PTPRK: variants seen among roughly 807,000 people sequenced by gnomAD.
The protein encoded by PTPRK is protein tyrosine phosphatase receptor type K.
A neutral mutation model predicts 178.0 loss-of-function variants in PTPRK; 75 were observed. The observed-to-expected ratio is 0.42, with a 90% CI of 0.35 to 0.51. PTPRK has a LOEUF of 0.51. Ranked by LOEUF, PTPRK falls within the 20% of genes least tolerant of loss-of-function variation. The pLI, the probability that PTPRK is intolerant of heterozygous loss-of-function variation, is 0.02. For missense variants in PTPRK, 1,441 were observed against 1,797.8 expected (o/e 0.80, Z 3.59); for synonymous variants, 637 against 620.6 (o/e 1.03, Z -0.39).
chr6:128,352,438 C>T (rs1244060279), intron 2 of PTPRK, among the ~76,000 whole-genome samples: 44 of 150,942 alleles, frequency 2.9e-4, no homozygotes, highest in Non-Finnish European at 1.5e-5. Context: ...CTGTACAGTC[C>T]AGATTTGATT....
At chr6:128,293,402 C>T (rs780679630) in intron 3 of PTPRK, among the ~76,000 whole-genome samples, 1 of 151,970 alleles carries the variant, frequency 6.6e-6, no homozygotes, top group Non-Finnish European at 1.5e-5. Flanking sequence ...AACAAAACCC[C>T]ACAAGCCAAC....
chr6:128,243,296 T>C (rs1191178440), intron 3 of PTPRK, among the ~76,000 whole-genome samples: 1 of 151,704 alleles, frequency 6.6e-6, no homozygotes, highest in African/African-American at 2.4e-5. Flanking sequence ...TAGATTTAAA[T>C]ATAAGCTCAT....
In PTPRK at chr6:128,224,062, T is replaced by C. The variant is rs556668749; in HGVS notation, c.694-4966A>G. Among the ~76,000 whole-genome samples, 5 of 152,330 alleles carry C rather than the reference T, an allele frequency of 3.3e-5. 1 individual carries two copies. In the South Asian group the frequency reaches 1.0e-3, roughly 32 times the overall value. The stretch of plus-strand genomic sequence containing the variant: ...TTAAATTCTAGAAGTCAAAAATAAC[T>C]TTTCCTTTTATAGGCTCTTTATTCT... On this transcript the variant is annotated intron_variant, in intron 5 of 29. Coordinates refer to ENST00000368226, the MANE Select transcript of PTPRK (RefSeq NM_002844.4).
intron 3 of PTPRK, among the ~76,000 whole-genome samples, chr6:128,256,773 G>T: frequency 6.6e-6 from 1 of 151,638 alleles, no homozygotes; most frequent in East Asian, 1.9e-4. Flanking sequence ...AGCGGACAAT[G>T]ATTCAAAAAA....
At position 127,973,723 on chromosome 6, in the gene PTPRK, C is replaced by T. The variant is rs1430181135; in HGVS notation, c.4074G>A (p.Gln1358=). The stretch of plus-strand genomic sequence containing the variant: ...CGCATTCCTCCTGCCACTTTTCCAC[C>T]TGAAGTATCAGTTTCAAGAATGACC... ...SKRSFLKLIL[Q]VEKWQEECEE... The change falls in exon 28 of 30, where the codon CAG becomes CAA. Residue 1358 remains glutamine (Q), a synonymous_variant. Transcript: ENST00000368226. The T allele has an allele frequency of 5.0e-6, 8 of 1,614,008 alleles. No homozygotes were observed. Among genetic ancestry groups the T allele is most frequent in the Non-Finnish European group, 6.8e-6 (8 of 1,179,928 alleles).
chr6:128,296,537 T>C lies in PTPRK; in HGVS notation c.495+25502A>G, dbSNP rs567470155. ...TAACAGCGGATCTCTTGGCAGAAAC[T>C]CTACAAGCCAGAAGAGAGTGGGGGC... On this transcript the variant is annotated intron_variant, in intron 3 of 29. Transcript: ENST00000368226. Among the ~76,000 whole-genome samples the C allele has an allele frequency of 1.9e-3, 286 of 152,238 alleles. 1 individual carries two copies. Among genetic ancestry groups the C allele is most frequent in the African/African-American group, 6.4e-3 (264 of 41,552 alleles).
intron 5 of PTPRK, among the ~76,000 whole-genome samples, chr6:128,239,691 AAT>A (rs1346487047): frequency 6.6e-6 from 1 of 152,178 alleles, no homozygotes; most frequent in Non-Finnish European, 1.5e-5. Context: ...AACTCTTGTA[AAT>A]TCAGTTTTAA....
chr6:128,426,223 A>T (rs1844121162), intron 1 of PTPRK, among the ~76,000 whole-genome samples: 1 of 152,102 alleles, frequency 6.6e-6, no homozygotes, highest in Non-Finnish European at 1.5e-5. Flanking sequence ...CCTTTCCCTT[A>T]TGTGCCTCCA....
At chr6:128,024,007 G>A (rs1400637573) in intron 13 of PTPRK, among the ~76,000 whole-genome samples, 2 of 151,834 alleles carry the variant, frequency 1.3e-5, no homozygotes, top group African/African-American at 2.4e-5. Context: ...ACATCTCTAG[G>A]GCAATCAGAT....
intron 2 of PTPRK, among the ~76,000 whole-genome samples, chr6:128,342,159 A>G (rs1449996075): frequency 6.6e-6 from 1 of 152,042 alleles, no homozygotes; most frequent in African/African-American, 2.4e-5. Context: ...AGGCTGGGGC[A>G]GAAGAATCGT....
chr6:128,319,926 C>T (rs1199952262), intron 3 of PTPRK, among the ~76,000 whole-genome samples: 1 of 152,140 alleles, frequency 6.6e-6, no homozygotes, highest in African/African-American at 2.4e-5. Context: ...AAAAAGTACT[C>T]TGTTGTTTGC....
At chr6:128,139,561 C>A (rs117876006) in intron 7 of PTPRK, among the ~76,000 whole-genome samples, 29 of 152,100 alleles carry the variant, frequency 1.9e-4, no homozygotes, top group Middle Eastern at 6.8e-3. Flanking sequence ...ATCAGAGTTC[C>A]TTTTAATTAC....
intron 7 of PTPRK, among the ~76,000 whole-genome samples, chr6:128,093,341 C>T (rs897994121): frequency 3.3e-5 from 5 of 151,840 alleles, no homozygotes; most frequent in Non-Finnish European, 5.9e-5. Flanking sequence ...CCCCCATAAT[C>T]CTAGCAGTTT....
chr6:128,517,882 T>G (rs1433064984), intron 1 of PTPRK, among the ~76,000 whole-genome samples: 1 of 152,126 alleles, frequency 6.6e-6, no homozygotes, highest in Non-Finnish European at 1.5e-5. Context: ...TCAAAAGGAA[T>G]AAAAGTTCAC....
intron 7 of PTPRK, among the ~76,000 whole-genome samples, chr6:128,164,824 T>C (rs2114619045): frequency 6.6e-6 from 1 of 151,126 alleles, no homozygotes; most frequent in South Asian, 2.1e-4. Flanking sequence ...ATATGGAATA[T>C]AATATACATT....
chr6:128,174,612 A>G (rs1053232830), intron 7 of PTPRK, among the ~76,000 whole-genome samples: 1 of 151,866 alleles, frequency 6.6e-6, no homozygotes, highest in Non-Finnish European at 1.5e-5. Flanking sequence ...AATTTAATAA[A>G]TTGATTGTTA....
intron 7 of PTPRK, among the ~76,000 whole-genome samples, chr6:128,139,940 C>T (rs1158974714): frequency 1.6e-4 from 24 of 151,818 alleles, no homozygotes; most frequent in Admixed American, 1.4e-3. Context: ...AAAATTGAGA[C>T]ACCAGAAAGC....
intron 2 of PTPRK, among the ~76,000 whole-genome samples, chr6:128,390,144 C>T (rs1042896749): frequency 6.6e-6 from 1 of 152,070 alleles, no homozygotes. Flanking sequence ...CCTAAAATAC[C>T]TCACTGCAAA....
chr6:128,384,378 T>C (rs1838388128), intron 2 of PTPRK, among the ~76,000 whole-genome samples: 1 of 119,512 alleles, frequency 8.4e-6, no homozygotes, highest in African/African-American at 2.5e-5. Context: ...TTTTGGACAA[T>C]ATTTCTATTT....
Sources: allele counts gnomAD v4.1 joint callset (sites outside exome capture counted in the v4.1 genomes callset), GRCh38; gene constraint gnomAD v4.1.1; transcripts MANE v1.5; gene names NCBI Gene and HGNC (gene_info 2026-07-23, HGNC 2026-07-21).